LILRA5: variants seen among roughly 807,000 people sequenced by gnomAD.
LILRA5 encodes leukocyte immunoglobulin like receptor A5, also known as leukocyte immunoglobulin-like receptor subfamily A member 5.
In LILRA5, 31 loss-of-function variants were observed where a neutral mutation model predicts 36.3. That is an observed-to-expected ratio of 0.85 (90% CI 0.64 to 1.15). The LOEUF is 1.15. Ranked by LOEUF, LILRA5 falls within the 50% of genes most tolerant of loss-of-function variation. The pLI is 0.00. For missense variants in LILRA5, 348 were observed against 377.4 expected (o/e 0.92, Z 0.64); for synonymous variants, 144 against 144.8 (o/e 0.99, Z 0.04).
intron 1 of LILRA5, 156 bp downstream of exon 1, chr19:54,312,861 C>A: frequency 1.0e-6 from 1 of 957,714 alleles, no homozygotes; most frequent in Non-Finnish European, 1.6e-6. Context: ...TTATCTTTAT[C>A]TCACTGAGAG....
At position 54,307,634 on chromosome 19, in the gene LILRA5, T is replaced by C. The variant is rs2147843078; in HGVS notation, c.763+64A>G. On this transcript the variant is annotated intron_variant, in intron 6 of 6. Transcript: ENST00000432233. ...CCTGGATGTCTCCCCAGGGCACCCATATCATCTTGACAGGACCTGACCCTC... is the reference window on the plus strand; with the variant it reads ...CCTGGATGTCTCCCCAGGGCACCCACATCATCTTGACAGGACCTGACCCTC... 1.2e-6 allele frequency: 2 copies of C among 1,612,884 alleles called. No homozygotes were observed. Among genetic ancestry groups the C allele is most frequent in the Admixed American group, 1.7e-5 (1 of 60,024 alleles).
At position 54,311,456 on chromosome 19, in the gene LILRA5, C is replaced by A. The variant is rs750547834; in HGVS notation, c.670G>T (p.Val224Leu). 3 of 1,614,154 alleles carry A rather than the reference C, an allele frequency of 1.9e-6. No homozygotes were observed. The highest frequency in any genetic ancestry group is 2.2e-5 in the East Asian group (1 of 44,878). Residue 224 changes from valine to leucine, a missense_variant, in exon 5 of 7, where the codon GTA becomes TTA. Transcript: ENST00000432233. ...CYGSRRHILQ[V>L]WSEPSDLLEI... ...AGGAGGTCACTGGGTTCTGACCATA[C>A]CTGCAGGATATGCCTGCGAGAGCCA...
At chr19:54,310,705 A>G in intron 5 of LILRA5, 1 of 333,432 alleles carries the variant, frequency 3.0e-6, no homozygotes. Context: ...TCAGCCTGGG[A>G]GAGCCCAGCC....
At chr19:54,311,221 G>A (rs1328188083) in intron 5 of LILRA5, 193 bp downstream of exon 5, 26 of 1,446,242 alleles carry the variant, frequency 1.8e-5, no homozygotes, top group Non-Finnish European at 2.1e-5. Flanking sequence ...CTCCCAAAGT[G>A]CTGAGATTAC....
chr19:54,308,340 TATATGTATATATAA>T (rs1252962288), intron 5 of LILRA5: 1 of 30,340 alleles, frequency 3.3e-5, no homozygotes, highest in Admixed American at 4.0e-4. Flanking sequence ...TGTGTGTATA[TATATGTATATATAA>T]ATATATATAT....
At chr19:54,311,265 T>C (rs2081004935) in intron 5 of LILRA5, 149 bp downstream of exon 5, 1 of 1,563,392 alleles carries the variant, frequency 6.4e-7, no homozygotes, top group Non-Finnish European at 8.7e-7. Context: ...CCTTGCTTTG[T>C]TTTCCTCACC....
chr19:54,312,642 A>T, intron 1 of LILRA5, 21 bp from the exon 2 acceptor site: 1 of 1,612,188 alleles, frequency 6.2e-7, no homozygotes, highest in Non-Finnish European at 8.5e-7. Context: ...AGAGAGACAC[A>T]CAGGGTGTGG....
chr19:54,308,382 T>TAA (rs2080937143), intron 5 of LILRA5: 1 of 65,680 alleles, frequency 1.5e-5, no homozygotes, highest in African/African-American at 7.9e-5. Flanking sequence ...TATATATATA[T>TAA]ATATATATAT....
Position 54,312,322 on chromosome 19 carries a change from G to C in LILRA5, c.124+13C>G, listed in dbSNP as rs759379241. 13 of 1,614,100 alleles carry C rather than the reference G, an allele frequency of 8.1e-6. No homozygotes were observed. The South Asian group carries it at 9.9e-5, about 12-fold the overall frequency. On this transcript the variant is annotated intron_variant, in intron 3 of 6. Coordinates refer to ENST00000432233, the MANE Select transcript of LILRA5 (RefSeq NM_021250.4). ...GAGGAGGAGGGACCTGGGACAGCTG[G>C]GGACAGACTCACCTGCCTGCACGTG... is the stretch of plus-strand genomic sequence containing the variant.
intron 1 of LILRA5, 182 bp downstream of exon 1, chr19:54,312,835 C>T (rs1332904014): frequency 1.2e-6 from 1 of 825,786 alleles, no homozygotes; most frequent in Non-Finnish European, 1.9e-6. Context: ...CTTCCCCGGG[C>T]CACTGTCTGC....
chr19:54,311,965 A>T lies in LILRA5; in HGVS notation c.308T>A (p.Ile103Asn). 2 of 1,614,102 alleles carry T rather than the reference A, an allele frequency of 1.2e-6. No homozygotes were observed. Among genetic ancestry groups the T allele is most frequent in the Middle Eastern group, 1.6e-4 (1 of 6,062 alleles). The change falls in exon 4 of 7, where the codon ATC becomes AAC. Residue 103 changes from isoleucine to asparagine, a missense_variant. Ile to Asn is a moderately radical substitution (Grantham distance 149). Transcript: ENST00000432233. Reference protein sequence around the residue: ...LEPKNKARFSIPSMTEHHAGR... With the variant: ...LEPKNKARFSNPSMTEHHAGR... ...TGCATGGTGCTCTGTCATGGATGGG[A>T]TGGAGAATCTGGCCTTGTTCTTGGG...
At position 54,311,503 on chromosome 19, in the gene LILRA5, T is replaced by G. The variant is rs779369554; in HGVS notation, c.623A>C (p.His208Pro). ...LFPVGPVTPSHRWMLRCYGSR... is the reference protein window; with the variant it reads ...LFPVGPVTPSPRWMLRCYGSR... ...GCCATAGCATCTGAGCATCCACCTG[T>G]GGCTGGGGGTCACAGGGCCCACAGG... The change falls in exon 5 of 7, where the codon CAC becomes CCC. Residue 208 changes from histidine to proline, a missense_variant. By Grantham distance (77) the His-to-Pro change is moderately conservative (BLOSUM62 -2). Transcript: ENST00000432233. The G allele has an allele frequency of 4.3e-5, 69 of 1,613,966 alleles. No individual in the cohort carries two copies. The highest frequency in any genetic ancestry group is 5.0e-5 in the Non-Finnish European group (59 of 1,180,002).
Position 54,312,078 on chromosome 19 carries a change from G to C in LILRA5, c.195C>G (p.Ile65Met). Residue 65 changes from isoleucine (I) to methionine (M), a missense_variant, in exon 4 of 7, where the codon ATC becomes ATG. Ile to Met is a conservative substitution (Grantham distance 10). Transcript: ENST00000432233. ...SVISRGNSVT[I>M]RCQGTLEAQE... is the part of the protein sequence containing the mutation. The stretch of plus-strand genomic sequence containing the variant: ...GGGCCTCCAGGGTCCCCTGACACCG[G>C]ATGGTCACAGAGTTCCCCCGGCTGA... 6.2e-7 allele frequency: 1 copy of C among 1,614,158 alleles called. No homozygotes were observed. The highest frequency in any genetic ancestry group is 8.5e-7 in the Non-Finnish European group (1 of 1,180,004).
intron 5 of LILRA5, 168 bp downstream of exon 5, chr19:54,311,246 G>A (rs778864538): frequency 1.3e-6 from 2 of 1,515,156 alleles, no homozygotes; most frequent in Non-Finnish European, 1.8e-6. Context: ...GTGAGCCACT[G>A]TGCCCAGCCC....
intron 1 of LILRA5, 92 bp from the exon 2 acceptor site, chr19:54,312,713 G>T: frequency 7.9e-7 from 1 of 1,260,542 alleles, no homozygotes; most frequent in Non-Finnish European, 1.1e-6. Flanking sequence ...CACAGAAAGG[G>T]GAACTGCTCT....
At chr19:54,311,285 T>G in intron 5 of LILRA5, 129 bp downstream of exon 5, 1 of 1,594,674 alleles carries the variant, frequency 6.3e-7, no homozygotes, top group Non-Finnish European at 8.6e-7. Context: ...CCTGAATTTG[T>G]GTCCCTAGGA....
chr19:54,312,082 GTCACAGAGTTCCCCCGGCTGA>G lies in LILRA5; in HGVS notation c.170_190del (p.Ile57_Val63del). ...CTCCAGGGTCCCCTGACACCGGATGGTCACAGAGTTCCCCCGGCTGATCACAGAGCCTGGCTCAGCCCAGAG... is the reference window on the plus strand; with the variant it reads ...CTCCAGGGTCCCCTGACACCGGATGGTCACAGAGCCTGGCTCAGCCCAGAG... On this transcript the variant is annotated inframe_deletion, in exon 4 of 7. Coordinates refer to ENST00000432233, the MANE Select transcript of LILRA5 (RefSeq NM_021250.4). 1 of 1,614,138 alleles carries G rather than the reference GTCACAGAGTTCCCCCGGCTGA, an allele frequency of 6.2e-7. No homozygotes were observed. The highest frequency in any genetic ancestry group is 1.1e-5 in the South Asian group (1 of 91,088).
chr19:54,308,797 G>A (rs2080952617), intron 5 of LILRA5: 2 of 152,112 alleles, frequency 1.3e-5, no homozygotes, highest in South Asian at 4.2e-4. Flanking sequence ...TAACAAACAT[G>A]TAAAAGCCCT....
chr19:54,307,661 G>C (rs772069003), intron 6 of LILRA5, 37 bp downstream of exon 6: 1 of 1,613,686 alleles, frequency 6.2e-7, no homozygotes, highest in African/African-American at 1.3e-5. Flanking sequence ...CTGACCCTCT[G>C]TGCCAGTTCC....
Sources: gnomAD v4.1 joint callset for allele counts on GRCh38, gnomAD v4.1.1 for gene constraint, MANE v1.5 for transcripts, NCBI Gene and HGNC (gene_info 2026-07-23, HGNC 2026-07-21) for gene names.